Variants in LIMCH1 observed in about 807,000 individuals in gnomAD.
The protein encoded by LIMCH1 is LIM and calponin homology domains-containing protein 1.
Under a neutral mutation model 176.5 loss-of-function variants are expected in LIMCH1, and 113 were observed. That is an observed-to-expected ratio of 0.64 (90% CI 0.55 to 0.75). The LOEUF is 0.75. Among genes scored for constraint, LIMCH1 ranks in the 30% least tolerant of loss-of-function variants. The pLI, the probability that LIMCH1 is intolerant of heterozygous loss-of-function variation, is 0.00. For missense variants in LIMCH1, 1,674 were observed against 1,814.9 expected (o/e 0.92, Z 1.41); for synonymous variants, 619 against 645.9 (o/e 0.96, Z 0.63).
chr4:41,364,522 G>A (rs1301779089), intron 1 of LIMCH1, among the ~76,000 whole-genome samples: 2 of 152,030 alleles, frequency 1.3e-5, no homozygotes, highest in African/African-American at 2.4e-5. Flanking sequence ...ACCTGGAGTC[G>A]AAGTTAACTA....
chr4:41,382,309 C>T (rs565125454), intron 1 of LIMCH1, among the ~76,000 whole-genome samples: 3 of 149,846 alleles, frequency 2.0e-5, no homozygotes, highest in Admixed American at 1.3e-4. Context: ...GAAGTACAGA[C>T]GAGGCTAGAA....
At chr4:41,462,539 G>A (rs573796300) in intron 1 of LIMCH1, among the ~76,000 whole-genome samples, 3 of 152,278 alleles carry the variant, frequency 2.0e-5, no homozygotes, top group Admixed American at 6.5e-5. Flanking sequence ...GCATAGAAAA[G>A]CAGAAGTAAT....
intron 6 of LIMCH1, 56 bp downstream of exon 6, chr4:41,619,496 C>A: frequency 6.3e-7 from 1 of 1,592,118 alleles, no homozygotes; most frequent in South Asian, 1.1e-5. Flanking sequence ...GGTTTGGGAA[C>A]TGCAGCTCCT....
intron 4 of LIMCH1, among the ~76,000 whole-genome samples, chr4:41,606,327 T>C (rs963431221): frequency 5.9e-5 from 9 of 152,172 alleles, no homozygotes; most frequent in Non-Finnish European, 1.2e-4. Flanking sequence ...GAATAATGCT[T>C]GAATTAAACA....
At chr4:41,376,194 T>C (rs561182682) in intron 1 of LIMCH1, among the ~76,000 whole-genome samples, 8 of 152,346 alleles carry the variant, frequency 5.3e-5, no homozygotes, top group Non-Finnish European at 1.0e-4. Context: ...AGTTTCTATA[T>C]AGTTTTCTAT....
intron 1 of LIMCH1, among the ~76,000 whole-genome samples, chr4:41,452,284 CTT>C (rs1561416342): frequency 2.0e-5 from 3 of 152,128 alleles, no homozygotes; most frequent in African/African-American, 7.2e-5. Flanking sequence ...CATTTGAAGA[CTT>C]GGCCTTATTT....
intron 1 of LIMCH1, among the ~76,000 whole-genome samples, chr4:41,591,248 T>G (rs954915341): frequency 2.6e-5 from 4 of 152,082 alleles, no homozygotes; most frequent in Non-Finnish European, 5.9e-5. Flanking sequence ...TCTTTCTTGC[T>G]TGCTTGCTTG....
At chr4:41,393,651 C>G (rs375552465) in intron 1 of LIMCH1, among the ~76,000 whole-genome samples, 1 of 152,152 alleles carries the variant, frequency 6.6e-6, no homozygotes, top group African/African-American at 2.4e-5. Context: ...ATTATAGTTT[C>G]ATTTGGAGCT....
intron 4 of LIMCH1, chr4:41,613,021 A>G: frequency 1.9e-6 from 3 of 1,552,032 alleles, no homozygotes; most frequent in Non-Finnish European, 2.6e-6. Flanking sequence ...TATAAACAGG[A>G]GCAAAAGTTG....
upstream of LIMCH1, chr4:41,360,780 G>T: frequency 7.5e-7 from 1 of 1,325,864 alleles, no homozygotes; most frequent in Non-Finnish European, 1.0e-6. This position sits in a 1 kb window ranked among gnomAD's most constrained non-coding sequence, Gnocchi z 4.5. Flanking sequence ...GCGCGCTCCT[G>T]CGGCGGCGAC....
At chr4:41,444,309 TATATACACACACACACACAC>T (rs146108371) in intron 1 of LIMCH1, among the ~76,000 whole-genome samples, 9,591 of 99,550 alleles carry the variant, frequency 0.096, 1,032 homozygotes, top group African/African-American at 0.28. Context: ...TGTGTGTATA[TATATACACACACACACACAC>T]ACACACACAC....
At position 41,471,027 on chromosome 4, in the gene LIMCH1, C is replaced by CTTTTT. The variant is rs34026751; in HGVS notation, c.97-23495_97-23491dup. On this transcript the variant is annotated intron_variant, in intron 1 of 26. Transcript: ENST00000313860. ...GGATGCCAGTCTTTCCAAACTAAGA[C>CTTTTT]TTTTTTTTTTTTTTTTTTAACATAG... is the stretch of plus-strand genomic sequence containing the variant. 8.4e-5 allele frequency among the ~76,000 whole-genome samples: 11 copies of CTTTTT among 131,312 alleles called. No individual in the cohort carries two copies. In the South Asian group the frequency reaches 1.5e-3, roughly 18 times the overall value. The allele number at this position is 131,312 out of a possible 152,430, so 86.1% of individuals were successfully genotyped here. A position where few individuals can be genotyped will look rare whatever the true frequency, so the allele number is the denominator to read the frequency against.
chr4:41,421,468 C>T (rs900777262), intron 1 of LIMCH1, among the ~76,000 whole-genome samples: 6 of 152,128 alleles, frequency 3.9e-5, no homozygotes, highest in African/African-American at 1.4e-4. Flanking sequence ...AAAACATAAA[C>T]TCAGAAAGAA....
At chr4:41,448,713 C>T (rs1380663835) in intron 1 of LIMCH1, among the ~76,000 whole-genome samples, 1 of 151,932 alleles carries the variant, frequency 6.6e-6, no homozygotes, top group Non-Finnish European at 1.5e-5. Context: ...GACCTTGTAC[C>T]CTTTAGTTAT....
At chr4:41,407,657 A>G (rs1010066738) in intron 1 of LIMCH1, among the ~76,000 whole-genome samples, 1 of 152,224 alleles carries the variant, frequency 6.6e-6, no homozygotes, top group Non-Finnish European at 1.5e-5. Flanking sequence ...TAAGAAAAAT[A>G]TATCGAAACA....
rs534650508 is a variant in LIMCH1 at position 41,443,173 on chromosome 4, C to A, written c.97-51363C>A. Among the ~76,000 whole-genome samples, 18 of 127,824 alleles carry A rather than the reference C, an allele frequency of 1.4e-4. No individual in the cohort carries two copies. The East Asian group carries it at 3.5e-3, about 25-fold the overall frequency. 83.9% of individuals were successfully genotyped at this position (127,824 alleles called of 152,430 possible). A position where few individuals can be genotyped will look rare whatever the true frequency, so the allele number is the denominator to read the frequency against. ...CTCCAAGGTAAAGAGAAAAAAAAAT[C>A]ATATTGGATGTTTTTTTTCTTTTTT... On this transcript the variant is annotated intron_variant, in intron 1 of 26. Transcript: ENST00000313860.
intron 1 of LIMCH1, among the ~76,000 whole-genome samples, chr4:41,451,882 A>G (rs2063929462): frequency 6.6e-6 from 1 of 151,894 alleles, no homozygotes; most frequent in Non-Finnish European, 1.5e-5. Context: ...CACCTGCCCC[A>G]TCTTCTTACC....
At chr4:41,378,738 AG>A (rs1449186869) in intron 1 of LIMCH1, among the ~76,000 whole-genome samples, 2 of 152,206 alleles carry the variant, frequency 1.3e-5, no homozygotes, top group African/African-American at 4.8e-5. Flanking sequence ...GATGAGACTT[AG>A]TGACTGAGTG....
At chr4:41,387,967 G>A (rs1342056200) in intron 1 of LIMCH1, among the ~76,000 whole-genome samples, 1 of 152,256 alleles carries the variant, frequency 6.6e-6, no homozygotes, top group Non-Finnish European at 1.5e-5. Flanking sequence ...AAAATTAGCC[G>A]GGTGTGGTGG....
Sources: allele counts gnomAD v4.1 joint callset (sites outside exome capture counted in the v4.1 genomes callset), GRCh38; gene constraint gnomAD v4.1.1; non-coding constraint Gnocchi (gnomAD v3.1); transcripts MANE v1.5; gene names NCBI Gene and HGNC (gene_info 2026-07-23, HGNC 2026-07-21).